UBQLN1: variants seen among roughly 807,000 people sequenced by gnomAD.
UBQLN1 encodes the protein ubiquilin-1.
UBQLN1 carries 13 observed loss-of-function variants against 65.4 expected under a neutral mutation model. The ratio of observed to expected loss-of-function variants is 0.20; its 90% CI spans 0.13 to 0.32. The LOEUF is 0.32. Among genes scored for constraint, UBQLN1 ranks in the 10% least tolerant of loss-of-function variants. The pLI is 1.00. For missense variants in UBQLN1, 561 were observed against 724.0 expected (o/e 0.77, Z 2.58); for synonymous variants, 267 against 247.8 (o/e 1.08, Z -0.73).
intron 6 of UBQLN1, among the ~76,000 whole-genome samples, chr9:83,676,059 C>G (rs897074662): frequency 3.3e-5 from 5 of 152,152 alleles, no homozygotes; most frequent in African/African-American, 1.2e-4. Context: ...AAAAATCTGT[C>G]AACTCCTGCT....
intron 2 of UBQLN1, among the ~76,000 whole-genome samples, chr9:83,684,764 C>T (rs1564167565): frequency 6.7e-6 from 1 of 149,444 alleles, no homozygotes; most frequent in African/African-American, 2.5e-5. Flanking sequence ...GAGCTGAGAT[C>T]GCACCGTTGC....
intron 10 of UBQLN1, 122 bp from the exon 11 acceptor site, chr9:83,662,061 C>A (rs1428979210): frequency 2.5e-6 from 2 of 794,194 alleles, no homozygotes; most frequent in South Asian, 2.3e-5. Context: ...TTTAAAAACA[C>A]TGCCCACCTC....
intron 8 of UBQLN1, among the ~76,000 whole-genome samples, chr9:83,665,878 A>T (rs1831635755): frequency 6.6e-6 from 1 of 152,178 alleles, no homozygotes; most frequent in African/African-American, 2.4e-5. Context: ...GACAACACTG[A>T]CTATTTTAAT....
In UBQLN1 at chr9:83,685,996, A is replaced by T. The variant is rs189556459; in HGVS notation, c.332+8T>A. ...AATTTTAAAGCTGTACATCTTCCAA[A>T]ACCATACCTGTTTTGTGTTTTAATG... On this transcript the variant is annotated splice_region_variant and intron_variant, in intron 2 of 10. Transcript: ENST00000376395. 3.8e-6 allele frequency: 6 copies of T among 1,598,490 alleles called. No individual in the cohort carries two copies. In the East Asian group the frequency reaches 1.4e-4, roughly 37 times the overall value.
At chr9:83,677,619 T>G (rs1485251424) in intron 6 of UBQLN1, 108 bp downstream of exon 6, 3 of 747,276 alleles carry the variant, frequency 4.0e-6, no homozygotes, top group South Asian at 2.2e-5. Context: ...TTATAAAAGA[T>G]ACTCACTATA....
chr9:83,686,037 A>C lies in UBQLN1; in HGVS notation c.299T>G (p.Leu100Arg). 6.2e-7 allele frequency: 1 copy of C among 1,607,762 alleles called. No homozygotes were observed. The highest frequency in any genetic ancestry group is 8.5e-7 in the Non-Finnish European group (1 of 1,177,850). The change falls in exon 2 of 11, where the codon CTT becomes CGT. Residue 100 changes from leucine to arginine, a missense_variant. Coordinates refer to ENST00000376395, the MANE Select transcript of UBQLN1 (RefSeq NM_013438.5). ...TLSQHGIHDG[L>R]TVHLVIKTQN... Reference sequence around the variant, plus strand: ...TGTTTTAATGACAAGGTGAACAGTAAGTCCATCATGAATTCCATGCTGACT... The same window carrying C: ...TGTTTTAATGACAAGGTGAACAGTACGTCCATCATGAATTCCATGCTGACT...
chr9:83,664,946 AG>A, intron 9 of UBQLN1, 83 bp downstream of exon 9: 22 of 697,766 alleles, frequency 3.2e-5, no homozygotes, highest in South Asian at 1.1e-4. Flanking sequence ...AAAAAAAAAA[AG>A]GCAGGCAGAA....
chr9:83,689,615 CAATTAA>C (rs1279696316), intron 1 of UBQLN1, among the ~76,000 whole-genome samples: 2 of 152,154 alleles, frequency 1.3e-5, no homozygotes, highest in African/African-American at 4.8e-5. Flanking sequence ...TGACCACATG[CAATTAA>C]ACTACCAAAA....
chr9:83,671,772 A>G (rs1831735873), intron 6 of UBQLN1, among the ~76,000 whole-genome samples: 1 of 152,226 alleles, frequency 6.6e-6, no homozygotes, highest in Non-Finnish European at 1.5e-5. Flanking sequence ...CACTGGCTTC[A>G]ACTCAGTCAC....
intron 6 of UBQLN1, among the ~76,000 whole-genome samples, chr9:83,673,562 A>AC (rs1421395515): frequency 3.1e-5 from 2 of 64,640 alleles, no homozygotes; most frequent in Non-Finnish European, 5.3e-5. Context: ...AAAAAAAAAA[A>AC]AAAAACAAAA....
chr9:83,662,718 T>C (rs1299645090), intron 10 of UBQLN1, among the ~76,000 whole-genome samples: 2 of 152,234 alleles, frequency 1.3e-5, no homozygotes, highest in Non-Finnish European at 2.9e-5. Flanking sequence ...TATGCTACGC[T>C]AGCTTATCAG....
At chr9:83,691,468 T>A (rs984601248) in intron 1 of UBQLN1, among the ~76,000 whole-genome samples, 3 of 152,196 alleles carry the variant, frequency 2.0e-5, no homozygotes, top group African/African-American at 7.2e-5. Flanking sequence ...GACAGGAGTC[T>A]CCTAACCATG....
At chr9:83,673,546 TAAAA>T (rs762494390) in intron 6 of UBQLN1, among the ~76,000 whole-genome samples, 43 of 75,548 alleles carry the variant, frequency 5.7e-4, no homozygotes, top group African/African-American at 1.8e-3. Context: ...CTCGGTCTTT[TAAAA>T]AAAAAAAAAA....
chr9:83,685,863 A>T, intron 2 of UBQLN1, 141 bp downstream of exon 2: 1 of 698,048 alleles, frequency 1.4e-6, no homozygotes, highest in Non-Finnish European at 2.2e-6. Flanking sequence ...TTTTAAAAAA[A>T]TTGTTATCGA....
intron 6 of UBQLN1, among the ~76,000 whole-genome samples, chr9:83,675,696 C>G (rs1483510048): frequency 6.6e-6 from 1 of 152,198 alleles, no homozygotes; most frequent in Non-Finnish European, 1.5e-5. Context: ...TAATGGAATT[C>G]TATAAATGCC....
chr9:83,704,193 T>C (rs1266559969), intron 1 of UBQLN1, among the ~76,000 whole-genome samples: 5 of 152,262 alleles, frequency 3.3e-5, no homozygotes, highest in Non-Finnish European at 1.5e-5. Context: ...GGAATTTTAA[T>C]GTCATTAAGT....
chr9:83,701,823 G>A (rs1235672519), intron 1 of UBQLN1, among the ~76,000 whole-genome samples: 1 of 152,046 alleles, frequency 6.6e-6, no homozygotes, highest in East Asian at 1.9e-4. Context: ...CTACACCCAA[G>A]AAAAATGAAA....
intron 3 of UBQLN1, 108 bp from the exon 4 acceptor site, chr9:83,680,145 T>C (rs945265190): frequency 4.3e-6 from 5 of 1,176,050 alleles, no homozygotes; most frequent in Non-Finnish European, 5.8e-6. Flanking sequence ...CAATAGTCTA[T>C]TACAAGAAAT....
chr9:83,661,629 C>CAG lies in UBQLN1; in HGVS notation c.*157_*158insCT. 1 of 670,770 alleles carries CAG rather than the reference C, an allele frequency of 1.5e-6. No individual in the cohort carries two copies. Among genetic ancestry groups the CAG allele is most frequent in the Non-Finnish European group, 2.2e-6 (1 of 444,586 alleles). 41.6% of individuals were successfully genotyped at this position (670,770 alleles called of 1,614,324 possible). On this transcript the variant is annotated 3_prime_UTR_variant, in exon 11 of 11. Coordinates refer to ENST00000376395, the MANE Select transcript of UBQLN1 (RefSeq NM_013438.5). ...CCAGAAAAGAAAAATACAGAAAAAC[C>CAG]CACACATCTTACTGTACTCCACCTT... is the stretch of plus-strand genomic sequence containing the variant.
Sources: allele counts gnomAD v4.1 joint callset (sites outside exome capture counted in the v4.1 genomes callset), GRCh38; gene constraint gnomAD v4.1.1; transcripts MANE v1.5; gene names NCBI Gene and HGNC (gene_info 2026-07-23, HGNC 2026-07-21).